ZBTB2: variants seen among roughly 807,000 people sequenced by gnomAD.
ZBTB2 encodes zinc finger and BTB domain-containing protein 2.
A neutral mutation model predicts 39.5 loss-of-function variants in ZBTB2; 2 were observed. That is an observed-to-expected ratio of 0.05 (90% CI 0.02 to 0.16). The LOEUF is 0.16. ZBTB2 is among the 10% of genes least tolerant of loss of function. ZBTB2 has a pLI of 1.00. For missense variants in ZBTB2, 391 were observed against 653.0 expected (o/e 0.60, Z 4.37); for synonymous variants, 251 against 256.6 (o/e 0.98, Z 0.21).
chr6:151,369,059 G>A (rs1778719816), intron 2 of ZBTB2, among the ~76,000 whole-genome samples: 1 of 152,142 alleles, frequency 6.6e-6, no homozygotes, highest in Non-Finnish European at 1.5e-5. Context: ...CACCGCGCCT[G>A]GCTGACTTTG....
intron 1 of ZBTB2, chr6:151,377,961 G>A (rs1693295968): frequency 6.6e-6 from 1 of 152,102 alleles, no homozygotes; most frequent in South Asian, 2.1e-4. Context: ...AAAAATCAAA[G>A]TAGACTCAGC....
chr6:151,390,952 G>T (rs1444598142), intron 1 of ZBTB2, among the ~76,000 whole-genome samples: 1 of 151,564 alleles, frequency 6.6e-6, no homozygotes, highest in Non-Finnish European at 1.5e-5. Flanking sequence ...GCACTTCGCG[G>T]TGGCGGCGGG....
At chr6:151,371,680 A>G (rs769709180) in intron 2 of ZBTB2, among the ~76,000 whole-genome samples, 25 of 152,314 alleles carry the variant, frequency 1.6e-4, no homozygotes, top group Non-Finnish European at 2.4e-4. Flanking sequence ...TGTTATTTTA[A>G]TATGCACTGG....
chr6:151,380,691 C>A (rs1488494574), intron 1 of ZBTB2, among the ~76,000 whole-genome samples: 1 of 152,226 alleles, frequency 6.6e-6, no homozygotes, highest in Non-Finnish European at 1.5e-5. Flanking sequence ...TCTTTGGTCT[C>A]TGGTTTTCAG....
At chr6:151,388,919 G>A (rs1779223338) in intron 1 of ZBTB2, among the ~76,000 whole-genome samples, 1 of 152,188 alleles carries the variant, frequency 6.6e-6, no homozygotes, top group Non-Finnish European at 1.5e-5. Context: ...GTAGGACAAA[G>A]TTTTAGGGGC....
At chr6:151,378,518 G>T (rs961080798) in intron 1 of ZBTB2, among the ~76,000 whole-genome samples, 1 of 152,180 alleles carries the variant, frequency 6.6e-6, no homozygotes, top group Non-Finnish European at 1.5e-5. Context: ...AAGTAACCTG[G>T]ATTACAGAGA....
chr6:151,370,071 G>T (rs6931272), intron 2 of ZBTB2: 646,258 of 963,370 alleles, frequency 0.67, 218,415 homozygotes, highest in African/African-American at 0.72. Context: ...TCCCAGTCCT[G>T]TGGAAAGGAC....
At chr6:151,374,773 G>T (rs868360711) in intron 1 of ZBTB2, among the ~76,000 whole-genome samples, 3 of 145,992 alleles carry the variant, frequency 2.1e-5, no homozygotes, top group African/African-American at 7.5e-5. Flanking sequence ...TGACACGATT[G>T]TAACACAGAA....
chr6:151,374,667 C>G (rs11969497), intron 1 of ZBTB2, among the ~76,000 whole-genome samples: 2 of 151,884 alleles, frequency 1.3e-5, no homozygotes, highest in African/African-American at 2.4e-5. Context: ...ATATTCAACA[C>G]AGCACTGGAA....
At chr6:151,370,804 C>G (rs1364644674) in intron 2 of ZBTB2, among the ~76,000 whole-genome samples, 1 of 152,206 alleles carries the variant, frequency 6.6e-6, no homozygotes, top group Non-Finnish European at 1.5e-5. Context: ...CCTGAGTTTG[C>G]CTTGCCTCGA....
chr6:151,365,764 C>T lies in ZBTB2; in HGVS notation c.1302G>A (p.Gly434=), dbSNP rs374535256. The change falls in exon 3 of 3, where the codon GGG becomes GGA. Residue 434 remains glycine, a synonymous_variant. Coordinates refer to ENST00000325144, the MANE Select transcript of ZBTB2 (RefSeq NM_020861.3). The surrounding 1 kb of genome is among the most constrained non-coding windows in gnomAD (Gnocchi z 5.6). ...QTLELCTFEE[G]SQMDNMLVQT... ...GCACCAGCATGTTGTCCATCTGACTCCCTTCCTCAAATGTGCAGAGTTCCA... is the reference window on the plus strand; with the variant it reads ...GCACCAGCATGTTGTCCATCTGACTTCCTTCCTCAAATGTGCAGAGTTCCA... The T allele has an allele frequency of 3.1e-6, 5 of 1,614,082 alleles. No homozygotes were observed. The South Asian group carries it at 3.3e-5, about 11-fold the overall frequency.
In ZBTB2 at chr6:151,366,817, C is replaced by G. The variant is rs201248907; in HGVS notation, c.249G>C (p.Gly83=). The change falls in exon 3 of 3, where the codon GGG becomes GGC. Residue 83 remains glycine, a synonymous_variant. Transcript: ENST00000325144. This position sits in a 1 kb window ranked among gnomAD's most constrained non-coding sequence, Gnocchi z 7.1. ...GGTCGATGAGCTGAGGCGCCATCTT[C>G]CCAGTGTACATCAAGTGTAAGAGAT... The part of the protein sequence containing the change: ...FSYLLHLMYT[G]KMAPQLIDPV... The G allele has an allele frequency of 1.9e-6, 3 of 1,614,100 alleles. No homozygotes were observed. The highest frequency in any genetic ancestry group is 2.5e-6 in the Non-Finnish European group (3 of 1,180,022).
rs777020615 is a variant in ZBTB2 at position 151,365,503 on chromosome 6, T to A, written c.*18A>T. Reference sequence around the variant, plus strand: ...AGTCTTTGTAAAAATGAGAGTTTTTTAAAAAGATAAGTGACATTCAGTCTA... The same window carrying A: ...AGTCTTTGTAAAAATGAGAGTTTTTAAAAAAGATAAGTGACATTCAGTCTA... On this transcript the variant is annotated 3_prime_UTR_variant, in exon 3 of 3. Coordinates refer to ENST00000325144, the MANE Select transcript of ZBTB2 (RefSeq NM_020861.3). The surrounding 1 kb of genome is among the most constrained non-coding windows in gnomAD (Gnocchi z 5.6). 11 of 1,574,210 alleles carry A rather than the reference T, an allele frequency of 7.0e-6. No individual in the cohort carries two copies. Among genetic ancestry groups the A allele is most frequent in the South Asian group, 1.2e-5 (1 of 84,892 alleles).
chr6:151,376,033 T>G, intron 1 of ZBTB2, among the ~76,000 whole-genome samples: 1 of 152,090 alleles, frequency 6.6e-6, no homozygotes, highest in Admixed American at 6.6e-5. Flanking sequence ...CACACATAAA[T>G]ATGCACAACT....
intron 1 of ZBTB2, among the ~76,000 whole-genome samples, chr6:151,390,084 G>C (rs1023134729): frequency 6.6e-6 from 1 of 152,070 alleles, no homozygotes; most frequent in Non-Finnish European, 1.5e-5. Flanking sequence ...CAGCGCGCTC[G>C]GGGCCAAACC....
chr6:151,389,416 A>T (rs1352189142), intron 1 of ZBTB2, among the ~76,000 whole-genome samples: 1 of 152,246 alleles, frequency 6.6e-6, no homozygotes, highest in Admixed American at 6.5e-5. Flanking sequence ...AAAATGGCAC[A>T]GTCCCAATTC....
chr6:151,388,154 A>T (rs930309263), intron 1 of ZBTB2, among the ~76,000 whole-genome samples: 21 of 152,052 alleles, frequency 1.4e-4, no homozygotes, highest in African/African-American at 4.8e-4. Flanking sequence ...ATAAGAAAAT[A>T]GGAAAAGTGA....
Position 151,391,491 on chromosome 6 carries a change from C to CCCGCCG in ZBTB2, c.-90_-85dup, listed in dbSNP as rs894588370. 1.3e-5 allele frequency: 2 copies of CCCGCCG among 151,770 alleles called. No individual in the cohort carries two copies. The highest frequency in any genetic ancestry group is 2.9e-5 in the Non-Finnish European group (2 of 67,958). 9.4% of individuals were successfully genotyped at this position (151,770 alleles called of 1,614,324 possible). On this transcript the variant is annotated 5_prime_UTR_variant, in exon 1 of 3. Coordinates refer to ENST00000325144, the MANE Select transcript of ZBTB2 (RefSeq NM_020861.3). ...GGGCAGCCTCGGCCGTGCTGTCCTC[C>CCCGCCG]CCGCCGCCGCCGCCTCTGCCTCTCG...
At chr6:151,369,695 G>T (rs561318120) in intron 2 of ZBTB2, among the ~76,000 whole-genome samples, 1 of 152,070 alleles carries the variant, frequency 6.6e-6, no homozygotes, top group Admixed American at 6.5e-5. Context: ...GGTGGAGGCT[G>T]GGCGCAGTGG....
Sources: allele counts gnomAD v4.1 joint callset (sites outside exome capture counted in the v4.1 genomes callset), GRCh38; gene constraint gnomAD v4.1.1; non-coding constraint Gnocchi (gnomAD v3.1); transcripts MANE v1.5; gene names NCBI Gene and HGNC (gene_info 2026-07-23, HGNC 2026-07-21).